Variants in NCAPD2 observed in about 807,000 individuals in gnomAD.
NCAPD2 encodes non-SMC condensin I complex subunit D2.
A neutral mutation model predicts 164.5 loss-of-function variants in NCAPD2; 100 were observed. The observed-to-expected ratio is 0.61, with a 90% CI of 0.52 to 0.72. NCAPD2 has a LOEUF of 0.72. NCAPD2 is among the 30% of genes least tolerant of loss of function. NCAPD2 has a pLI of 0.00. For missense variants in NCAPD2, 1,560 were observed against 1,749.2 expected, an observed-to-expected ratio of 0.89 and a Z score of 1.93; for synonymous variants, 585 against 642.6, an observed-to-expected ratio of 0.91 and a Z score of 1.36.
At position 6,531,678 on chromosome 12, in the gene NCAPD2, G is replaced by A. The variant is rs66671045; in HGVS notation, c.*266G>A. The A allele has an allele frequency of 4.9e-3, 2,302 of 471,202 alleles. 43 individuals carry two copies. Among genetic ancestry groups the A allele is most frequent in the African/African-American group, 0.037 (1,848 of 49,950 alleles). 29.2% of individuals were successfully genotyped at this position (471,202 alleles called of 1,614,324 possible). A position where few individuals can be genotyped will look rare whatever the true frequency, so the allele number is the denominator to read the frequency against. On this transcript the variant is annotated 3_prime_UTR_variant, in exon 32 of 32. Transcript: ENST00000315579. The surrounding 1 kb of genome is among the most constrained non-coding windows in gnomAD (Gnocchi z 4.1). ...AAATTAGCCGGGCGTATTGGCGTGC[G>A]CCTGTAATCCCAGCTACTCAAGAGG...
At chr12:6,508,522 A>G (rs575936462) in intron 2 of NCAPD2, among the ~76,000 whole-genome samples, 1 of 152,210 alleles carries the variant, frequency 6.6e-6, no homozygotes, top group African/African-American at 2.4e-5. Flanking sequence ...AATAAAGGGA[A>G]AGGGACAGCT....
chr12:6,516,599 A>G (rs1447055419), intron 9 of NCAPD2, among the ~76,000 whole-genome samples: 1 of 152,100 alleles, frequency 6.6e-6, no homozygotes, highest in Non-Finnish European at 1.5e-5. Flanking sequence ...AGTGGATGTG[A>G]TTTTTTTATT....
chr12:6,523,581 T>G (rs1270531254), intron 17 of NCAPD2, among the ~76,000 whole-genome samples: 1 of 152,156 alleles, frequency 6.6e-6, no homozygotes, highest in Non-Finnish European at 1.5e-5. Flanking sequence ...GTATCTTTAG[T>G]AGAGACGGGG....
Position 6,514,845 on chromosome 12 carries a change from G to A in NCAPD2, c.912G>A (p.Leu304=). 1.2e-6 allele frequency: 2 copies of A among 1,614,200 alleles called. No individual in the cohort carries two copies. The highest frequency in any genetic ancestry group is 1.7e-6 in the Non-Finnish European group (2 of 1,180,034). ...PSGTKGFAAF[L]TELAERVPAI... ...GGACAAAGGGCTTTGCAGCATTCCT[G>A]ACAGAACTAGCAGAACGTGTCCCAG... is the stretch of plus-strand genomic sequence containing the variant. Residue 304 remains leucine, a synonymous_variant, in exon 9 of 32, where the codon CTG becomes CTA. Coordinates refer to ENST00000315579, the MANE Select transcript of NCAPD2 (RefSeq NM_014865.4).
chr12:6,510,193 T>C, intron 4 of NCAPD2, 60 bp downstream of exon 4: 1 of 1,493,660 alleles, frequency 6.7e-7, no homozygotes, highest in South Asian at 1.1e-5. Flanking sequence ...TTTGTTTGTC[T>C]GTTTGTTTGT....
chr12:6,525,591 G>T lies in NCAPD2; in HGVS notation c.2223G>T (p.Glu741Asp), dbSNP rs375366285. Residue 741 changes from glutamate (E) to aspartate (D), a missense_variant, in exon 18 of 32, where the codon GAG becomes GAT. By Grantham distance (45) the Glu-to-Asp change is conservative (BLOSUM62 2). Coordinates refer to ENST00000315579, the MANE Select transcript of NCAPD2 (RefSeq NM_014865.4). ...TIQCLEEILC[E>D]FVQKDELKPA... is the part of the protein sequence containing the mutation. ...TTTTCTTTTCTCTTTAGCTCTGTGA[G>T]TTTGTGCAGAAGGATGAGTTGAAAC... 38 of 1,610,272 alleles carry T rather than the reference G, an allele frequency of 2.4e-5. No individual in the cohort carries two copies. In the South Asian group the frequency reaches 4.2e-4, roughly 18 times the overall value.
At chr12:6,498,700 C>T (rs1009542363) in intron 2 of NCAPD2, among the ~76,000 whole-genome samples, 9 of 151,916 alleles carry the variant, frequency 5.9e-5, no homozygotes, top group African/African-American at 2.2e-4. Context: ...CTCCGCCTCC[C>T]AGGTTCAAGA....
chr12:6,522,733 C>T, intron 15 of NCAPD2, 95 bp from the exon 16 acceptor site: 1 of 1,400,586 alleles, frequency 7.1e-7, no homozygotes, highest in Non-Finnish European at 9.8e-7. Flanking sequence ...CGGAAGGCCT[C>T]CATTTGCATC....
rs1272760064 is a variant in NCAPD2, at chr12:6,510,705, T to C, written c.339T>C (p.His113=). 12 of 1,614,032 alleles carry C rather than the reference T, an allele frequency of 7.4e-6. No homozygotes were observed. The highest frequency in any genetic ancestry group is 3.3e-4 in the Middle Eastern group (2 of 6,084). Residue 113 remains histidine (H), a synonymous_variant, in exon 5 of 32, where the codon CAT becomes CAC. Coordinates refer to ENST00000315579, the MANE Select transcript of NCAPD2 (RefSeq NM_014865.4). ...TGAGTGGATCAGATAGAAACGCCCA[T>C]CTAAATGCCCTCAAAATGAACTGTT... ...TTLSGSDRNA[H]LNALKMNCYA...
chr12:6,509,900 C>T (rs1409838608), intron 3 of NCAPD2, 108 bp downstream of exon 3: 1 of 1,300,286 alleles, frequency 7.7e-7, no homozygotes, highest in Non-Finnish European at 1.1e-6. Flanking sequence ...ATAAATGCCT[C>T]TGGATATTGA....
intron 1 of NCAPD2, among the ~76,000 whole-genome samples, chr12:6,494,793 G>A (rs1240212211): frequency 2.6e-5 from 4 of 152,202 alleles, no homozygotes; most frequent in African/African-American, 9.7e-5. Flanking sequence ...TACAGATAAA[G>A]CCCAGAGGTT....
rs770069012 is a variant in NCAPD2 at position 6,526,876 on chromosome 12, C to G, written c.2735-15C>G. ...AATGTCTCTTTGCCCCACCTTCCCT[C>G]TCCCTCTCCTCCAGAGGAGTCCCCC... On this transcript the variant is annotated splice_polypyrimidine_tract_variant and intron_variant, in intron 21 of 31. Coordinates refer to ENST00000315579, the MANE Select transcript of NCAPD2 (RefSeq NM_014865.4). 2 of 1,589,724 alleles carry G rather than the reference C, an allele frequency of 1.3e-6. No individual in the cohort carries two copies. The highest frequency in any genetic ancestry group is 2.7e-5 in the African/African-American group (2 of 73,998).
Position 6,523,571 on chromosome 12 carries a change from G to A in NCAPD2, c.2214+225G>A, listed in dbSNP as rs990513406. ...TGCCACCATGCCCGACTAGTTTTTT[G>A]TATCTTTAGTAGAGACGGGGTTTCA... On this transcript the variant is annotated intron_variant, in intron 17 of 31. Coordinates refer to ENST00000315579, the MANE Select transcript of NCAPD2 (RefSeq NM_014865.4). 6.9e-4 allele frequency among the ~76,000 whole-genome samples: 105 copies of A among 152,020 alleles called. 1 individual carries two copies. Among genetic ancestry groups the A allele is most frequent in the African/African-American group, 2.4e-3 (98 of 41,468 alleles).
At position 6,531,695 on chromosome 12, in the gene NCAPD2, C is replaced by T. The variant is rs1345499661; in HGVS notation, c.*283C>T. 7.2e-6 allele frequency: 3 copies of T among 419,192 alleles called. No individual in the cohort carries two copies. The East Asian group carries it at 1.8e-4, about 25-fold the overall frequency. 26.0% of individuals were successfully genotyped at this position (419,192 alleles called of 1,614,324 possible). A position where few individuals can be genotyped will look rare whatever the true frequency, so the allele number is the denominator to read the frequency against. On this transcript the variant is annotated 3_prime_UTR_variant, in exon 32 of 32. Coordinates refer to ENST00000315579, the MANE Select transcript of NCAPD2 (RefSeq NM_014865.4). The surrounding 1 kb of genome is among the most constrained non-coding windows in gnomAD (Gnocchi z 4.1). Reference sequence around the variant, plus strand: ...TGGCGTGCGCCTGTAATCCCAGCTACTCAAGAGGCTGAGGCAGGAGAATCG... The same window carrying T: ...TGGCGTGCGCCTGTAATCCCAGCTATTCAAGAGGCTGAGGCAGGAGAATCG...
At chr12:6,516,688 A>G (rs983379103) in intron 9 of NCAPD2, 140 bp from the exon 10 acceptor site, 2 of 817,656 alleles carry the variant, frequency 2.4e-6, no homozygotes, top group Admixed American at 2.7e-5. Context: ...TCTCTGAGCA[A>G]CAAGTCCTCT....
chr12:6,524,659 A>C (rs1946299345), intron 17 of NCAPD2, among the ~76,000 whole-genome samples: 1 of 151,622 alleles, frequency 6.6e-6, no homozygotes, highest in South Asian at 2.1e-4. Context: ...AAAAAAAAAA[A>C]AAAAAAAAAA....
intron 9 of NCAPD2, among the ~76,000 whole-genome samples, chr12:6,515,464 C>A (rs1403255543): frequency 6.6e-6 from 1 of 152,168 alleles, no homozygotes; most frequent in African/African-American, 2.4e-5. Flanking sequence ...GGATTGCAGG[C>A]GCTACCATGC....
At chr12:6,514,425 T>C in intron 7 of NCAPD2, 33 bp downstream of exon 7, 1 of 1,614,246 alleles carries the variant, frequency 6.2e-7, no homozygotes, top group Non-Finnish European at 8.5e-7. Context: ...CCGCCTTTTT[T>C]GTATTGCCCA....
intron 29 of NCAPD2, 44 bp from the exon 30 acceptor site, chr12:6,530,647 T>C (rs772993954): frequency 5.0e-6 from 8 of 1,608,784 alleles, no homozygotes; most frequent in Non-Finnish European, 6.8e-6. Context: ...TAATCAGAAG[T>C]AACTGTTTTC....
Sources: allele counts gnomAD v4.1 joint callset (sites outside exome capture counted in the v4.1 genomes callset), GRCh38; gene constraint gnomAD v4.1.1; non-coding constraint Gnocchi (gnomAD v3.1); transcripts MANE v1.5; gene names NCBI Gene and HGNC (gene_info 2026-07-23, HGNC 2026-07-21).